The following SLC37A3 variants were observed in gnomAD, a reference collection of about 807,000 sequenced individuals.
SLC37A3 encodes the protein sugar phosphate exchanger 3.
In SLC37A3, 51 loss-of-function variants were observed where a neutral mutation model predicts 67.1. The ratio of observed to expected loss-of-function variants is 0.76; its 90% CI spans 0.61 to 0.96. The LOEUF is 0.96. Ranked by LOEUF, SLC37A3 falls within the 40% of genes least tolerant of loss-of-function variation. The pLI is 0.00. For missense variants in SLC37A3, 508 were observed against 603.0 expected, an observed-to-expected ratio of 0.84 and a Z score of 1.65; for synonymous variants, 214 against 231.4, an observed-to-expected ratio of 0.92 and a Z score of 0.68.
chr7:140,382,045 TTAAAAAAAAAAAAGTACAAAA>T (rs1474392251), intron 2 of SLC37A3, among the ~76,000 whole-genome samples: 3 of 151,332 alleles, frequency 2.0e-5, no homozygotes, highest in Non-Finnish European at 2.9e-5. Flanking sequence ...GATATGTTTT[TTAAAAAAAAAAAAGTACAAAA>T]TAAAAAAAAA....
intron 14 of SLC37A3, among the ~76,000 whole-genome samples, chr7:140,336,727 G>GA (rs1008206763): frequency 3.3e-5 from 5 of 152,126 alleles, no homozygotes; most frequent in African/African-American, 1.2e-4. Context: ...GTCTCTTCTT[G>GA]TTTTTCTGAA....
At chr7:140,354,397 G>C (rs1412340680) in intron 7 of SLC37A3, among the ~76,000 whole-genome samples, 2 of 151,414 alleles carry the variant, frequency 1.3e-5, no homozygotes, top group African/African-American at 4.8e-5. Flanking sequence ...CAAACTTTTG[G>C]ATTTTTAGTC....
intron 5 of SLC37A3, among the ~76,000 whole-genome samples, chr7:140,360,759 G>A (rs1797234901): frequency 6.9e-6 from 1 of 145,292 alleles, no homozygotes; most frequent in Non-Finnish European, 1.5e-5. Flanking sequence ...AGATTAATCA[G>A]ATATGGATCC....
rs368089111 is a variant in SLC37A3, at chr7:140,347,510, T to C, written c.1024+1116A>G. On this transcript the variant is annotated intron_variant, in intron 10 of 14. Coordinates refer to ENST00000326232, the MANE Select transcript of SLC37A3 (RefSeq NM_207113.3). The stretch of plus-strand genomic sequence containing the variant: ...GGTCTAACGGTGGCAACCTCACCTT[T>C]GGCTCTGGATTTAAGAATACGGGCA... Among the ~76,000 whole-genome samples, 23 of 152,240 alleles carry C rather than the reference T, an allele frequency of 1.5e-4. 1 individual carries two copies. Among genetic ancestry groups the C allele is most frequent in the African/African-American group, 5.3e-4 (22 of 41,544 alleles).
Position 140,366,980 on chromosome 7 carries a change from C to CA in SLC37A3, c.292-2490dup, listed in dbSNP as rs531989051. ...TGAAACCCCATCTCTACTAAAAATA[C>CA]AAAAAAAATTAGCAGGGCATGGTGG... On this transcript the variant is annotated intron_variant, in intron 4 of 14. Coordinates refer to ENST00000326232, the MANE Select transcript of SLC37A3 (RefSeq NM_207113.3). 1.8e-3 allele frequency among the ~76,000 whole-genome samples: 271 copies of CA among 151,422 alleles called. 1 individual carries two copies. The highest frequency in any genetic ancestry group is 3.1e-3 in the Non-Finnish European group (211 of 67,848).
intron 1 of SLC37A3, among the ~76,000 whole-genome samples, chr7:140,393,441 G>C (rs1360090610): frequency 6.6e-6 from 1 of 152,166 alleles, no homozygotes. Context: ...TGAGGATCTA[G>C]CTTGTCTCCT....
At chr7:140,374,469 C>T (rs1195330236) in intron 3 of SLC37A3, among the ~76,000 whole-genome samples, 2 of 150,364 alleles carry the variant, frequency 1.3e-5, no homozygotes, top group African/African-American at 2.4e-5. Flanking sequence ...TGTACTCCAG[C>T]CTGGGCGACA....
intron 5 of SLC37A3, among the ~76,000 whole-genome samples, chr7:140,360,644 G>C (rs930427187): frequency 1.3e-5 from 2 of 150,794 alleles, no homozygotes; most frequent in African/African-American, 2.4e-5. Flanking sequence ...TAAAACAGGA[G>C]AATGGCTTGA....
At chr7:140,366,900 C>T (rs1355443460) in intron 4 of SLC37A3, among the ~76,000 whole-genome samples, 1 of 151,144 alleles carries the variant, frequency 6.6e-6, no homozygotes, top group South Asian at 2.1e-4. Context: ...TTTGGAAGGC[C>T]GAGGTGGGCG....
At chr7:140,341,202 G>A (rs1007360984) in intron 13 of SLC37A3, among the ~76,000 whole-genome samples, 1 of 152,102 alleles carries the variant, frequency 6.6e-6, no homozygotes, top group Non-Finnish European at 1.5e-5. Context: ...CGAAGTGCTG[G>A]GATTACTGGC....
chr7:140,385,678 A>G (rs1315718967), intron 1 of SLC37A3, among the ~76,000 whole-genome samples: 2 of 152,216 alleles, frequency 1.3e-5, no homozygotes, highest in Non-Finnish European at 2.9e-5. Flanking sequence ...ATTTGAGGCC[A>G]TTTGGATGTA....
intron 9 of SLC37A3, among the ~76,000 whole-genome samples, chr7:140,349,205 C>T (rs1796696412): frequency 6.6e-6 from 1 of 152,192 alleles, no homozygotes; most frequent in Admixed American, 6.5e-5. Context: ...TGGGAGCAGC[C>T]AAACGGGGTT....
At chr7:140,373,744 A>G (rs1797913747) in intron 3 of SLC37A3, among the ~76,000 whole-genome samples, 1 of 150,852 alleles carries the variant, frequency 6.6e-6, no homozygotes, top group Non-Finnish European at 1.5e-5. Flanking sequence ...CCTGGGCTCA[A>G]GCGATCCAGC....
At chr7:140,371,813 T>A (rs6464724) in intron 3 of SLC37A3, among the ~76,000 whole-genome samples, 110,601 of 152,048 alleles carry the variant, frequency 0.73, 40,355 homozygotes, top group East Asian at 0.89. Context: ...CAACTTTATC[T>A]AGGGCCAGCA....
At chr7:140,357,340 G>A (rs1416134377) in intron 6 of SLC37A3, among the ~76,000 whole-genome samples, 1 of 152,176 alleles carries the variant, frequency 6.6e-6, no homozygotes, top group Non-Finnish European at 1.5e-5. Context: ...ATGTTCCCAG[G>A]AGCTTTATTT....
intron 7 of SLC37A3, 99 bp downstream of exon 7, chr7:140,355,569 A>G: frequency 9.2e-7 from 1 of 1,085,202 alleles, no homozygotes. Flanking sequence ...AGTTCTACAT[A>G]GTTTTAAATG....
chr7:140,359,817 G>A (rs764758289), intron 5 of SLC37A3, among the ~76,000 whole-genome samples: 6 of 152,098 alleles, frequency 3.9e-5, no homozygotes, highest in South Asian at 4.1e-4. Flanking sequence ...AAGAAGGGGC[G>A]GTCACAAAAC....
At chr7:140,345,833 G>A (rs1359169223) in intron 11 of SLC37A3, 36 bp downstream of exon 11, 2 of 1,495,560 alleles carry the variant, frequency 1.3e-6, no homozygotes, top group African/African-American at 1.4e-5. Flanking sequence ...CAGATTAGGG[G>A]AGCAAAGGAA....
chr7:140,393,883 T>C lies in SLC37A3; in HGVS notation c.-71+4533A>G, dbSNP rs117374119. Among the ~76,000 whole-genome samples the C allele has an allele frequency of 7.9e-4, 120 of 152,226 alleles. 1 individual carries two copies. In the East Asian group the frequency reaches 0.019, roughly 25 times the overall value. On this transcript the variant is annotated intron_variant, in intron 1 of 14. Transcript: ENST00000326232. ...AGCACTGAGAACGATCAATAAAGAT[T>C]TTTTGGGCCGGGCGCGATGGCTCAC...
Sources: gnomAD v4.1 joint callset for allele counts (sites outside exome capture counted in the v4.1 genomes callset) on GRCh38, gnomAD v4.1.1 for gene constraint, MANE v1.5 for transcripts, NCBI Gene and HGNC (gene_info 2026-07-23, HGNC 2026-07-21) for gene names.